The following TAF6 variants were observed in gnomAD, a reference collection of about 807,000 sequenced individuals.
TAF6 encodes TATA-box binding protein associated factor 6, also known as transcription initiation factor TFIID subunit 6.
TAF6 carries 50 observed loss-of-function variants against 73.5 expected under a neutral mutation model. That is an observed-to-expected ratio of 0.68 (90% CI 0.54 to 0.86). The LOEUF is 0.86. Among genes scored for constraint, TAF6 ranks in the 40% least tolerant of loss-of-function variants. The pLI, the probability that TAF6 is intolerant of heterozygous loss-of-function variation, is 0.00. For missense variants in TAF6, 768 were observed against 899.5 expected (o/e 0.85, Z 1.87); for synonymous variants, 424 against 376.7 (o/e 1.13, Z -1.45).
intron 14 of TAF6, 75 bp downstream of exon 14, chr7:100,107,851 A>G (rs1562918468): frequency 6.6e-7 from 1 of 1,515,936 alleles, no homozygotes; most frequent in Non-Finnish European, 8.9e-7. Context: ...ACTGTGCTCT[A>G]CTCCTGGGCC....
At chr7:100,122,735 G>A (rs3735240), upstream of TAF6, 206 of 1,585,152 alleles carry the variant, frequency 1.3e-4, no homozygotes, top group East Asian at 4.5e-3. Context: ...AAGGGGAAGG[G>A]AGGGGTGGGG....
chr7:100,124,570 T>G (rs151184122), upstream of TAF6: 11 of 1,612,880 alleles, frequency 6.8e-6, no homozygotes, highest in Admixed American at 1.7e-5. Flanking sequence ...ACTTCCACCA[T>G]CAGGAGCAGC....
At chr7:100,119,362 C>A, upstream of TAF6, 1 of 1,045,736 alleles carries the variant, frequency 9.6e-7, no homozygotes, top group South Asian at 3.1e-5. Flanking sequence ...CCCGCCCCCT[C>A]GTGGGAGCAG....
rs34119670 is a variant in TAF6 at position 100,113,838 on chromosome 7, A to AC, written c.243+29dup. ...AGACCTGGCTGAAGGATGGCGTCTC[A>AC]CCCCCCCCCCGCCTGTCTCCCCAAA... On this transcript the variant is annotated intron_variant, in intron 3 of 14. Transcript: ENST00000453269. The AC allele has an allele frequency of 6.9e-3, 10,191 of 1,486,084 alleles. 11 individuals are homozygous for AC. Among genetic ancestry groups the AC allele is most frequent in the African/African-American group, 0.019 (1,276 of 66,168 alleles). 92.1% of individuals were successfully genotyped at this position (1,486,084 alleles called of 1,614,324 possible).
chr7:100,125,206 C>A, the TAF6 span: 1 of 288,338 alleles, frequency 3.5e-6, no homozygotes, highest in East Asian at 6.2e-5. Flanking sequence ...AGCAGTGGCA[C>A]TGGAGCTGTG....
At chr7:100,113,314 AC>A in intron 5 of TAF6, 34 bp downstream of exon 5, 1 of 1,534,950 alleles carries the variant, frequency 6.5e-7, no homozygotes, top group Non-Finnish European at 8.8e-7. Flanking sequence ...GGGGAAAGGG[AC>A]CCAGAGACCC....
At chr7:100,111,650 C>T in intron 9 of TAF6, 78 bp downstream of exon 9, 1 of 1,452,248 alleles carries the variant, frequency 6.9e-7, no homozygotes, top group Non-Finnish European at 9.7e-7. Flanking sequence ...AGGTGTGAGC[C>T]ACTGCTGACC....
upstream of TAF6, chr7:100,119,961 T>A: frequency 9.2e-7 from 1 of 1,092,054 alleles, no homozygotes; most frequent in Non-Finnish European, 1.3e-6. Context: ...CCCGACCTCC[T>A]TGAAGGCTTG....
chr7:100,112,238 G>A lies in TAF6; in HGVS notation c.590C>T (p.Ala197Val), dbSNP rs1200838178. 28 of 1,613,542 alleles carry A rather than the reference G, an allele frequency of 1.7e-5. No homozygotes were observed. Among genetic ancestry groups the A allele is most frequent in the South Asian group, 3.3e-5 (3 of 91,042 alleles). Residue 197 changes from alanine (A) to valine (V), a missense_variant, in exon 7 of 15, where the codon GCG (alanine) becomes GTG (valine). This residue lies in a region of TAF6 where 269 missense variants were observed against 268.0 expected (regional missense o/e 1.00). Coordinates refer to ENST00000453269, the MANE Select transcript of TAF6 (RefSeq NM_139315.3). ...GGGGGCCCCCTCCAGCAAGGGCGGCGCCTTCTTCTCTTTCCCTGTGTGATT... is the reference window on the plus strand; with the variant it reads ...GGGGGCCCCCTCCAGCAAGGGCGGCACCTTCTTCTCTTTCCCTGTGTGATT... ...TADGKGKEKK[A>V]PPLLEGAPLR...
At chr7:100,123,003 G>A, upstream of TAF6, 1 of 1,347,522 alleles carries the variant, frequency 7.4e-7, no homozygotes, top group Non-Finnish European at 1.0e-6. Context: ...CTACCCCTAA[G>A]CATGGGGAAG....
chr7:100,112,424 A>T (rs1482554918), intron 6 of TAF6, among the ~76,000 whole-genome samples, 171 bp from the exon 7 acceptor site: 3 of 152,186 alleles, frequency 2.0e-5, no homozygotes, highest in African/African-American at 7.2e-5. Context: ...ACCAATGGCC[A>T]CATGGAGGCC....
upstream of TAF6, chr7:100,124,594 T>C: frequency 6.2e-7 from 1 of 1,613,262 alleles, no homozygotes; most frequent in South Asian, 1.1e-5. Context: ...TACAAAATTT[T>C]CTCTGTGAAG....
In TAF6 at chr7:100,113,679, C is replaced by T; in HGVS notation, c.334G>A (p.Val112Ile). The change falls in exon 4 of 15, where the codon GTT becomes ATT. Residue 112 changes from valine (V) to isoleucine (I), a missense_variant. Val to Ile is a conservative substitution (Grantham distance 29). Around this residue, in one of 5 missense-constraint regions of TAF6, gnomAD observed 269 missense variants for 268.0 expected, o/e 1.00. Transcript: ENST00000453269. Reference protein sequence around the residue: ...RELYFYEEKEVDLSDIINTPL... With the variant: ...RELYFYEEKEIDLSDIINTPL... ...GTATTGATGATGTCGCTCAGATCAA[C>T]CTCCTTCTCCTCATAGAAGTAAAGC... 2 of 1,614,110 alleles carry T rather than the reference C, an allele frequency of 1.2e-6. No individual in the cohort carries two copies. Among genetic ancestry groups the T allele is most frequent in the South Asian group, 1.1e-5 (1 of 91,082 alleles).
chr7:100,110,329 G>A (rs1269011561), intron 10 of TAF6, 55 bp from the exon 11 acceptor site: 2 of 1,571,046 alleles, frequency 1.3e-6, no homozygotes, highest in Non-Finnish European at 1.8e-6. Flanking sequence ...ATGATTGACA[G>A]GGACCTAAGT....
At chr7:100,125,376 G>A in the TAF6 span, 1 of 156,872 alleles carries the variant, frequency 6.4e-6, no homozygotes, top group Non-Finnish European at 1.4e-5. Flanking sequence ...GTCATGGCCT[G>A]GAGTTGCTGA....
chr7:100,108,494 T>C lies in TAF6; in HGVS notation c.1331A>G (p.Asn444Ser), dbSNP rs771530946. 2 of 1,613,570 alleles carry C rather than the reference T, an allele frequency of 1.2e-6. No homozygotes were observed. Among genetic ancestry groups the C allele is most frequent in the East Asian group, 4.5e-5 (2 of 44,844 alleles). ...VLAKLRPPPD[N>S]QDAYRAEFGS... is the part of the protein sequence containing the mutation. ...GAATTCTGCCCGATAGGCGTCCTGA[T>C]TGTCAGGCGGTGGGCGCAGCTTTGC... The change falls in exon 13 of 15, where the codon AAT becomes AGT. Residue 444 changes from asparagine (N) to serine (S), a missense_variant. Asn to Ser is a conservative substitution (Grantham distance 46). Around this residue, in one of 5 missense-constraint regions of TAF6, gnomAD observed 350 missense variants for 352.3 expected, o/e 0.99. Coordinates refer to ENST00000453269, the MANE Select transcript of TAF6 (RefSeq NM_139315.3).
At chr7:100,125,155 A>C in the TAF6 span, 1 of 402,532 alleles carries the variant, frequency 2.5e-6, no homozygotes, top group East Asian at 4.0e-5. Flanking sequence ...ACAGTACTGA[A>C]AGCTTTCCTC....
Position 100,108,349 on chromosome 7 carries a change from C to A in TAF6, c.1458+18G>T. On this transcript the variant is annotated intron_variant, in intron 13 of 14. Transcript: ENST00000453269. ...TCCTCTGCTTCCTCCTATTCCTCCT[C>A]CCCACCCGGCCACGGACCTGCGTGA... 3.2e-6 allele frequency: 5 copies of A among 1,587,218 alleles called. No individual in the cohort carries two copies. The East Asian group carries it at 9.0e-5, about 29-fold the overall frequency.
upstream of TAF6, chr7:100,120,124 G>A (rs1797987516): frequency 2.6e-6 from 1 of 382,414 alleles, no homozygotes; most frequent in Non-Finnish European, 4.7e-6. Context: ...TGTAGTTCAG[G>A]GACCATCGGC....
Sources: allele counts gnomAD v4.1 joint callset (sites outside exome capture counted in the v4.1 genomes callset), GRCh38; gene constraint gnomAD v4.1.1; regional missense constraint gnomAD v4.1.1; transcripts MANE v1.5; gene names NCBI Gene and HGNC (gene_info 2026-07-23, HGNC 2026-07-21).